Variants in AGBL1 observed in about 807,000 individuals in gnomAD.
AGBL1 encodes the protein AGBL carboxypeptidase 1.
Under a neutral mutation model 118.9 loss-of-function variants are expected in AGBL1, and 130 were observed. The observed-to-expected ratio is 1.09, with a 90% CI of 0.95 to 1.26. AGBL1 has a LOEUF of 1.26. Among genes scored for constraint, AGBL1 ranks in the 50% most tolerant of loss-of-function variants. The pLI is 0.00. For synonymous variants in AGBL1, 555 were observed against 478.9 expected (o/e 1.16, Z -2.08); for missense variants, 1,584 against 1,298.1 (o/e 1.22, Z -3.38).
At chr15:86,516,538 G>A (rs1408633368) in intron 18 of AGBL1, among the ~76,000 whole-genome samples, 1 of 152,160 alleles carries the variant, frequency 6.6e-6, no homozygotes, top group Non-Finnish European at 1.5e-5. Context: ...GGTGGCTGAC[G>A]CCTGTCATCC....
intron 5 of AGBL1, among the ~76,000 whole-genome samples, chr15:86,213,775 A>G (rs2078140326): frequency 6.6e-6 from 1 of 152,136 alleles, no homozygotes; most frequent in African/African-American, 2.4e-5. Flanking sequence ...ATAACCTAAA[A>G]TTTGCCGTTT....
intron 17 of AGBL1, among the ~76,000 whole-genome samples, chr15:86,319,742 AGTT>A (rs2080074007): frequency 4.3e-5 from 2 of 46,668 alleles, no homozygotes; most frequent in African/African-American, 1.6e-4. Context: ...CCTCTTTGGT[AGTT>A]TTTTTTTTTT....
chr15:86,926,430 A>G (rs985444146), intron 23 of AGBL1, among the ~76,000 whole-genome samples: 9 of 152,186 alleles, frequency 5.9e-5, no homozygotes, highest in Admixed American at 3.9e-4. Context: ...TATACCTGCC[A>G]TGTAAACAAC....
At chr15:86,346,416 G>A (rs930174900) in intron 17 of AGBL1, among the ~76,000 whole-genome samples, 3 of 151,100 alleles carry the variant, frequency 2.0e-5, no homozygotes, top group African/African-American at 4.9e-5. Flanking sequence ...GCGTGATCTC[G>A]GCTCACTGCA....
intron 21 of AGBL1, among the ~76,000 whole-genome samples, chr15:86,646,378 A>C (rs558961426): frequency 1.2e-4 from 19 of 152,162 alleles, no homozygotes; most frequent in African/African-American, 4.6e-4. Flanking sequence ...TAGACCCTAG[A>C]CAGTCCTTCT....
At chr15:87,006,207 A>G (rs972213112) in intron 24 of AGBL1, among the ~76,000 whole-genome samples, 1 of 151,808 alleles carries the variant, frequency 6.6e-6, no homozygotes, top group African/African-American at 2.4e-5. Context: ...GAGAACCACT[A>G]CTCTTCAAAG....
intron 18 of AGBL1, among the ~76,000 whole-genome samples, chr15:86,432,678 G>A (rs926426446): frequency 3.3e-5 from 5 of 152,104 alleles, no homozygotes; most frequent in African/African-American, 1.2e-4. Context: ...ATAATATCAG[G>A]TCACCACCAA....
intron 22 of AGBL1, among the ~76,000 whole-genome samples, chr15:86,703,308 A>G (rs2086392134): frequency 6.6e-6 from 1 of 152,170 alleles, no homozygotes; most frequent in Non-Finnish European, 1.5e-5. Flanking sequence ...TAATGAGCAT[A>G]ACATGGTGGT....
At chr15:86,824,309 C>G (rs1343202975) in intron 22 of AGBL1, among the ~76,000 whole-genome samples, 1 of 151,960 alleles carries the variant, frequency 6.6e-6, no homozygotes, top group African/African-American at 2.4e-5. Flanking sequence ...CATACTGAAA[C>G]TAAAATTTAA....
chr15:86,757,168 C>T (rs2077954681), intron 22 of AGBL1, among the ~76,000 whole-genome samples: 1 of 152,056 alleles, frequency 6.6e-6, no homozygotes, highest in Non-Finnish European at 1.5e-5. Context: ...TAGATGCTGA[C>T]TTCTGAAGAT....
At chr15:86,666,345 A>C (rs185087385) in intron 21 of AGBL1, among the ~76,000 whole-genome samples, 1 of 152,318 alleles carries the variant, frequency 6.6e-6, no homozygotes, top group African/African-American at 2.4e-5. Context: ...TGGTTTAAAC[A>C]AAGAAAATTG....
At chr15:86,296,214 GCAAAAAAAAAAAAAACAAAAAAA>G (rs1305713852) in intron 17 of AGBL1, 1 of 103,822 alleles carries the variant, frequency 9.6e-6, no homozygotes, top group Non-Finnish European at 2.0e-5. Context: ...CCTTAGGTAG[GCAAAAAAAAAAAAAACAAAAAAA>G]CAAAAAAAAA....
At position 86,398,227 on chromosome 15, in the gene AGBL1, G is replaced by A. The variant is rs184684914; in HGVS notation, c.2555+681G>A. Among the ~76,000 whole-genome samples, 927 of 152,252 alleles carry A rather than the reference G, an allele frequency of 6.1e-3. 7 individuals carry two copies. The highest frequency in any genetic ancestry group is 0.021 in the African/African-American group (888 of 41,538). On this transcript the variant is annotated intron_variant, in intron 18 of 22. Coordinates refer to ENST00000614907, the MANE Select transcript of AGBL1 (RefSeq NM_001386094.1). The stretch of plus-strand genomic sequence containing the variant: ...ATGGCTCCTGTGCCTGGTGAGCTCT[G>A]TTGAAATGGACCACATTCTCAGAGT...
At chr15:86,678,021 G>A (rs182311504) in intron 22 of AGBL1, among the ~76,000 whole-genome samples, 1 of 152,208 alleles carries the variant, frequency 6.6e-6, no homozygotes, top group African/African-American at 2.4e-5. Flanking sequence ...AGATAAAATT[G>A]TATGTGTTTA....
At chr15:86,541,747 T>C (rs563956850) in intron 19 of AGBL1, among the ~76,000 whole-genome samples, 1 of 152,088 alleles carries the variant, frequency 6.6e-6, no homozygotes, top group East Asian at 1.9e-4. Context: ...AATTCTGTAA[T>C]AACATCACCT....
chr15:86,722,970 G>C (rs1451675438), intron 22 of AGBL1, among the ~76,000 whole-genome samples: 1 of 150,738 alleles, frequency 6.6e-6, no homozygotes, highest in Non-Finnish European at 1.5e-5. Context: ...TCTCCCACCA[G>C]TTAGAATGGC....
At chr15:86,700,575 C>T (rs1160926312) in intron 22 of AGBL1, among the ~76,000 whole-genome samples, 2 of 151,530 alleles carry the variant, frequency 1.3e-5, no homozygotes, top group Admixed American at 6.6e-5. Flanking sequence ...ATAGTACCTT[C>T]TTTAGAAAAG....
At chr15:86,861,567 A>C (rs2079558858) in intron 22 of AGBL1, among the ~76,000 whole-genome samples, 1 of 152,214 alleles carries the variant, frequency 6.6e-6, no homozygotes, top group African/African-American at 2.4e-5. Context: ...GGTAACTTAA[A>C]GTTCTCTGTT....
chr15:86,340,379 G>T (rs1325176820), intron 17 of AGBL1, among the ~76,000 whole-genome samples: 1 of 152,026 alleles, frequency 6.6e-6, no homozygotes, highest in Non-Finnish European at 1.5e-5. Context: ...TTAATTAAGG[G>T]TCTTGAGATG....
Sources: allele counts gnomAD v4.1 joint callset (sites outside exome capture counted in the v4.1 genomes callset), GRCh38; gene constraint gnomAD v4.1.1; transcripts MANE v1.5; gene names NCBI Gene and HGNC (gene_info 2026-07-23, HGNC 2026-07-21).